HEATR4: variants seen among roughly 807,000 people sequenced by gnomAD.
The protein encoded by HEATR4 is HEAT repeat containing 4.
HEATR4 carries 95 observed loss-of-function variants against 108.8 expected under a neutral mutation model. The ratio of observed to expected loss-of-function variants is 0.87; its 90% CI spans 0.74 to 1.04. The LOEUF is 1.04. HEATR4 is among the 50% of genes least tolerant of loss of function. The pLI is 0.00. For missense variants in HEATR4, 1,152 were observed against 1,253.8 expected (o/e 0.92, Z 1.23); for synonymous variants, 443 against 459.4 (o/e 0.96, Z 0.46).
In HEATR4 at chr14:73,492,487, CTT is replaced by C. The variant is rs763834035; in HGVS notation, c.2844+577_2844+578del. Reference sequence around the variant, plus strand: ...GGGTCTTGGTTGCCCGCCTGGGACACTTTGCTCCTGTTGATGCTGTGGCCGAC... The same window carrying C: ...GGGTCTTGGTTGCCCGCCTGGGACACTGCTCCTGTTGATGCTGTGGCCGAC... On this transcript the variant is annotated intron_variant, in intron 17 of 17. Coordinates refer to ENST00000553558, the MANE Select transcript of HEATR4 (RefSeq NM_001220484.1). This position sits in a 1 kb window ranked among gnomAD's most constrained non-coding sequence, Gnocchi z 4.9. 5 of 1,613,764 alleles carry C rather than the reference CTT, an allele frequency of 3.1e-6. No individual in the cohort carries two copies. Among genetic ancestry groups the C allele is most frequent in the Non-Finnish European group, 4.2e-6 (5 of 1,179,796 alleles).
chr14:73,486,930 T>A (rs1885473155), intron 17 of HEATR4, among the ~76,000 whole-genome samples: 1 of 152,116 alleles, frequency 6.6e-6, no homozygotes, highest in Admixed American at 6.6e-5. Context: ...TTCTTTTCTG[T>A]AGAAGTTTCT....
chr14:73,551,119 G>C lies in HEATR4; in HGVS notation c.-152+7632C>G, dbSNP rs547281524. Among the ~76,000 whole-genome samples the C allele has an allele frequency of 1.8e-5, 2 of 110,696 alleles. 1 individual carries two copies. The highest frequency in any genetic ancestry group is 3.9e-5 in the Non-Finnish European group (2 of 51,038). The allele number at this position is 110,696 out of a possible 152,430, so 72.6% of individuals were successfully genotyped here. A position where few individuals can be genotyped will look rare whatever the true frequency, so the allele number is the denominator to read the frequency against. ...GCACAGGTTACAGTGAGCTGAGATC[G>C]TGCCATTGCACTCCAGCCTGAGTGA... is the stretch of plus-strand genomic sequence containing the variant. On this transcript the variant is annotated intron_variant, in intron 1 of 17. Transcript: ENST00000553558.
rs202122330 is a variant in HEATR4, at chr14:73,512,125, A to G, written c.1439T>C (p.Val480Ala). Reference protein sequence around the residue: ...ALIIEWHHETVENLLQSLGDL... With the variant: ...ALIIEWHHETAENLLQSLGDL... ...TCCCAAGCTCTGAAGCAGGTTCTCT[A>G]CTGTCTCATGGTGCCACTCTATGAC... The change falls in exon 7 of 18, where the codon GTA (valine) becomes GCA (alanine). Residue 480 changes from valine (V) to alanine (A), a missense_variant. Coordinates refer to ENST00000553558, the MANE Select transcript of HEATR4 (RefSeq NM_001220484.1). 1.7e-4 allele frequency: 277 copies of G among 1,614,166 alleles called. 2 individuals are homozygous for G. The East Asian group carries it at 5.4e-3, about 32-fold the overall frequency.
At chr14:73,548,936 T>TTC (rs1182214464) in intron 1 of HEATR4, among the ~76,000 whole-genome samples, 1 of 113,122 alleles carries the variant, frequency 8.8e-6, no homozygotes, top group Non-Finnish European at 1.9e-5. Context: ...CCTCACATCT[T>TTC]TCTCTCTCTC....
intron 2 of HEATR4, among the ~76,000 whole-genome samples, chr14:73,527,767 CA>C (rs1413356172): frequency 1.3e-5 from 2 of 151,702 alleles, no homozygotes; most frequent in African/African-American, 4.8e-5. Context: ...CACCTGAGAT[CA>C]GGGGTTCGAG....
the HEATR4 span, chr14:73,592,240 T>C: frequency 6.2e-7 from 1 of 1,613,278 alleles, no homozygotes; most frequent in Non-Finnish European, 8.5e-7. Flanking sequence ...TGGCGCTTCC[T>C]GAAGCGGGAC....
chr14:73,573,882 A>G, the HEATR4 span, among the ~76,000 whole-genome samples: 4 of 151,986 alleles, frequency 2.6e-5, no homozygotes, highest in Admixed American at 6.6e-5. Context: ...ACCTGCCACC[A>G]TGCTTGGCTA....
chr14:73,481,566 C>A (rs1171490875), intron 17 of HEATR4, among the ~76,000 whole-genome samples: 2 of 151,778 alleles, frequency 1.3e-5, no homozygotes, highest in Non-Finnish European at 2.9e-5. Flanking sequence ...AAAGGCCGGG[C>A]ATGGTGGCTC....
At chr14:73,481,399 A>ACT (rs1885250863) in intron 17 of HEATR4, among the ~76,000 whole-genome samples, 1 of 152,172 alleles carries the variant, frequency 6.6e-6, no homozygotes, top group African/African-American at 2.4e-5. Context: ...AGATGGTGCC[A>ACT]CTGCACTTCA....
the HEATR4 span, among the ~76,000 whole-genome samples, chr14:73,629,648 A>ATT: frequency 6.2e-5 from 9 of 145,376 alleles, no homozygotes; most frequent in Admixed American, 1.4e-4. Context: ...GAAAGTTTAG[A>ATT]TTTTTTTTTT....
chr14:73,515,611 C>T (rs1372858689), intron 5 of HEATR4, among the ~76,000 whole-genome samples: 3 of 122,766 alleles, frequency 2.4e-5, no homozygotes, highest in South Asian at 2.8e-4. Context: ...ACTGGGGAGG[C>T]GGAGGTTGTA....
the HEATR4 span, among the ~76,000 whole-genome samples, chr14:73,627,771 C>T: frequency 0.35 from 49,289 of 139,506 alleles, 9,695 homozygotes; most frequent in East Asian, 0.67. Context: ...AACGCTTTCC[C>T]TCCTCCCCAG....
chr14:73,564,479 G>T, the HEATR4 span, among the ~76,000 whole-genome samples: 1 of 151,642 alleles, frequency 6.6e-6, no homozygotes, highest in East Asian at 1.9e-4. Context: ...GGTGGTGCAT[G>T]CCTGTGGTCC....
the HEATR4 span, among the ~76,000 whole-genome samples, chr14:73,623,743 G>A: frequency 6.6e-6 from 1 of 152,044 alleles, no homozygotes; most frequent in Non-Finnish European, 1.5e-5. Context: ...TTTGGGTCAT[G>A]AGGGCCAACC....
chr14:73,493,595 T>C (rs1341555745), intron 16 of HEATR4, among the ~76,000 whole-genome samples: 1 of 152,020 alleles, frequency 6.6e-6, no homozygotes, highest in African/African-American at 2.4e-5. Context: ...CCTAGCACTT[T>C]AGGAGGCCGA....
the HEATR4 span, among the ~76,000 whole-genome samples, chr14:73,594,675 T>TATTA: frequency 7.2e-6 from 1 of 138,800 alleles, no homozygotes; most frequent in Non-Finnish European, 1.5e-5. Flanking sequence ...TTGGATAAGT[T>TATTA]ATTTATTTAT....
chr14:73,492,438 G>A lies in HEATR4; in HGVS notation c.2844+628C>T. Reference sequence around the variant, plus strand: ...CATTCAGATTCTAAGGATCCGCGAAGAACCGCTTTCATGGAGAAGGTGCGG... The same window carrying A: ...CATTCAGATTCTAAGGATCCGCGAAAAACCGCTTTCATGGAGAAGGTGCGG... On this transcript the variant is annotated intron_variant, in intron 17 of 17. Transcript: ENST00000553558. The surrounding 1 kb of genome is among the most constrained non-coding windows in gnomAD (Gnocchi z 4.9). 2 of 1,613,852 alleles carry A rather than the reference G, an allele frequency of 1.2e-6. No homozygotes were observed. The highest frequency in any genetic ancestry group is 1.7e-6 in the Non-Finnish European group (2 of 1,179,794).
intron 3 of HEATR4, 78 bp downstream of exon 3, chr14:73,522,194 G>A: frequency 7.0e-7 from 1 of 1,434,956 alleles, no homozygotes; most frequent in Non-Finnish European, 9.5e-7. Flanking sequence ...CTGAAATCGG[G>A]AGTGTGAGTC....
rs777212501 is a variant in HEATR4 at position 73,506,518 on chromosome 14, G to A, written c.1935C>T (p.Asn645=). The A allele has an allele frequency of 1.9e-6, 3 of 1,613,618 alleles. No homozygotes were observed. Among genetic ancestry groups the A allele is most frequent in the African/African-American group, 2.7e-5 (2 of 74,908 alleles). ...AVELNSCQWK[N]RIVACQAFSR... is the part of the protein sequence containing the mutation. ...AGAAAGCCTGGCAGGCCACAATCCGGTTCTTCCATTGACAGCTGTTCAGCT... is the reference window on the plus strand; with the variant it reads ...AGAAAGCCTGGCAGGCCACAATCCGATTCTTCCATTGACAGCTGTTCAGCT... The change falls in exon 10 of 18, where the codon AAC becomes AAT. Residue 645 remains asparagine (N), a synonymous_variant. Coordinates refer to ENST00000553558, the MANE Select transcript of HEATR4 (RefSeq NM_001220484.1).
Sources: gnomAD v4.1 joint callset for allele counts (sites outside exome capture counted in the v4.1 genomes callset) on GRCh38, gnomAD v4.1.1 for gene constraint, Gnocchi (gnomAD v3.1) non-coding constraint, MANE v1.5 for transcripts, NCBI Gene and HGNC (gene_info 2026-07-23, HGNC 2026-07-21) for gene names.